Variants in ADAM22 observed in about 807,000 individuals in gnomAD.
ADAM22 encodes the protein ADAM metallopeptidase domain 22.
In ADAM22, 65 loss-of-function variants were observed where a neutral mutation model predicts 144.6. That is an observed-to-expected ratio of 0.45 (90% CI 0.37 to 0.55). The LOEUF (loss-of-function observed/expected upper bound fraction) is 0.55, where lower values mean the gene tolerates loss of function less well. Ranked by LOEUF, ADAM22 falls within the 20% of genes least tolerant of loss-of-function variation. ADAM22 has a pLI of 0.00. For missense variants in ADAM22, 974 were observed against 1,184.9 expected, an observed-to-expected ratio of 0.82 and a Z score of 2.61; for synonymous variants, 391 against 412.6, an observed-to-expected ratio of 0.95 and a Z score of 0.63.
chr7:87,980,787 C>CT (rs763790411), intron 3 of ADAM22, among the ~76,000 whole-genome samples: 82 of 152,206 alleles, frequency 5.4e-4, no homozygotes, highest in Non-Finnish European at 1.0e-3. Flanking sequence ...CAGCCAGTTT[C>CT]TTTTTTGTCA....
Position 87,946,895 on chromosome 7 carries a change from C to T in ADAM22, c.246+11709C>T, listed in dbSNP as rs76557771. On this transcript the variant is annotated intron_variant, in intron 2 of 31. Transcript: ENST00000413139. ...GCCTTAAAAATAATGATATTATATC[C>T]TTTGCAGCCACACAGATGTGGCGGG... Among the ~76,000 whole-genome samples, 471 of 152,244 alleles carry T rather than the reference C, an allele frequency of 3.1e-3. 3 individuals are homozygous for T. The highest frequency in any genetic ancestry group is 0.01 in the African/African-American group (435 of 41,546).
intron 3 of ADAM22, among the ~76,000 whole-genome samples, chr7:87,988,324 G>T (rs765848746): frequency 4.6e-5 from 7 of 152,126 alleles, no homozygotes; most frequent in African/African-American, 7.2e-5. Flanking sequence ...TACCTGGGAG[G>T]AACTATAGCT....
At chr7:87,943,723 T>C (rs537111488) in intron 2 of ADAM22, among the ~76,000 whole-genome samples, 2 of 152,304 alleles carry the variant, frequency 1.3e-5, no homozygotes, top group South Asian at 4.1e-4. Flanking sequence ...TATCAGCGGT[T>C]CTAACTGGAA....
intron 3 of ADAM22, among the ~76,000 whole-genome samples, chr7:88,061,017 T>A (rs1467221475): frequency 6.6e-6 from 1 of 151,582 alleles, no homozygotes; most frequent in East Asian, 1.9e-4. Flanking sequence ...GGCAGGAGAA[T>A]CACTTGAACC....
chr7:87,962,719 A>C (rs1848260610), intron 2 of ADAM22, among the ~76,000 whole-genome samples: 1 of 152,020 alleles, frequency 6.6e-6, no homozygotes, highest in Non-Finnish European at 1.5e-5. Flanking sequence ...CAGTAGCTAC[A>C]ACAACAAGCA....
chr7:88,193,079 A>C (rs1849959403), intron 30 of ADAM22, 37 bp from the exon 31 acceptor site: 1 of 1,612,296 alleles, frequency 6.2e-7, no homozygotes, highest in Non-Finnish European at 8.5e-7. Context: ...ATGTTAGGCA[A>C]TCACATGATA....
chr7:88,037,628 G>A (rs1462086692), intron 3 of ADAM22, among the ~76,000 whole-genome samples: 1 of 150,480 alleles, frequency 6.6e-6, no homozygotes, highest in Non-Finnish European at 1.5e-5. Flanking sequence ...TTTTGCCTAT[G>A]GATAAGAGCT....
intron 22 of ADAM22, among the ~76,000 whole-genome samples, chr7:88,159,040 C>T (rs1283607729): frequency 1.3e-5 from 2 of 151,654 alleles, no homozygotes; most frequent in African/African-American, 4.8e-5. Flanking sequence ...AGAGAAGATC[C>T]AAATTAATAC....
chr7:88,176,239 A>G lies in ADAM22; in HGVS notation c.2301-2696A>G, dbSNP rs552768432. 6.4e-4 allele frequency among the ~76,000 whole-genome samples: 98 copies of G among 152,210 alleles called. 1 individual carries two copies. The highest frequency in any genetic ancestry group is 2.2e-3 in the African/African-American group (90 of 41,538). ...CCGCCCACCTCAGCCTTCCAGAAAC[A>G]TTATTCTTAAGAGATCTTTAACGAA... On this transcript the variant is annotated intron_variant, in intron 26 of 31. Coordinates refer to ENST00000413139, the MANE Select transcript of ADAM22 (RefSeq NM_001324418.2).
intron 30 of ADAM22, among the ~76,000 whole-genome samples, chr7:88,188,150 C>T (rs1156521903): frequency 6.6e-6 from 1 of 151,982 alleles, no homozygotes; most frequent in Non-Finnish European, 1.5e-5. Context: ...TAATTTGTAC[C>T]AGCCATGGAA....
intron 13 of ADAM22, 36 bp from the exon 14 acceptor site, chr7:88,135,944 C>T: frequency 6.3e-7 from 1 of 1,585,376 alleles, no homozygotes; most frequent in Middle Eastern, 1.7e-4. Flanking sequence ...ACTGTGTTCA[C>T]TTTATAACAA....
At chr7:88,061,097 C>G (rs1809717662) in intron 3 of ADAM22, among the ~76,000 whole-genome samples, 1 of 151,580 alleles carries the variant, frequency 6.6e-6, no homozygotes, top group South Asian at 2.1e-4. Context: ...GAGCAAGACT[C>G]TGTCTCAAAA....
In ADAM22 at chr7:87,968,491, T is replaced by A. The variant is rs1047322974; in HGVS notation, c.247-9845T>A. Among the ~76,000 whole-genome samples the A allele has an allele frequency of 1.4e-4, 22 of 152,000 alleles. 1 individual carries two copies. Among genetic ancestry groups the A allele is most frequent in the African/African-American group, 2.4e-5 (1 of 41,370 alleles). On this transcript the variant is annotated intron_variant, in intron 2 of 31. Transcript: ENST00000413139. ...AGTTTGAGGCTGCAGTGACCTATGATCGCATCTCTGAATAGCCACTGCACT... is the reference window on the plus strand; with the variant it reads ...AGTTTGAGGCTGCAGTGACCTATGAACGCATCTCTGAATAGCCACTGCACT...
At chr7:88,153,792 A>G (rs1839139034) in intron 21 of ADAM22, among the ~76,000 whole-genome samples, 2 of 152,174 alleles carry the variant, frequency 1.3e-5, no homozygotes. Context: ...TTGCTTTGCC[A>G]CCATTTGTCT....
chr7:88,026,294 C>G (rs1422496611), intron 3 of ADAM22, among the ~76,000 whole-genome samples: 3 of 152,170 alleles, frequency 2.0e-5, no homozygotes. Context: ...AAAGTGGGAG[C>G]AGGCATTTGA....
chr7:87,967,001 A>C (rs2129446391), intron 2 of ADAM22, among the ~76,000 whole-genome samples: 1 of 151,978 alleles, frequency 6.6e-6, no homozygotes, highest in East Asian at 1.9e-4. Flanking sequence ...TATTCTCATG[A>C]TAGTGAGTGA....
chr7:88,072,479 A>C lies in ADAM22; in HGVS notation c.324-3147A>C, dbSNP rs115120731. On this transcript the variant is annotated intron_variant, in intron 3 of 31. Coordinates refer to ENST00000413139, the MANE Select transcript of ADAM22 (RefSeq NM_001324418.2). ...GACTTAGGTGATTTTGATTTCACTC[A>C]TGCTGGCTGCAGTAGTGGGGTTTGA... 7.4e-3 allele frequency among the ~76,000 whole-genome samples: 1,123 copies of C among 152,232 alleles called. 9 individuals carry two copies. The highest frequency in any genetic ancestry group is 0.025 in the African/African-American group (1,047 of 41,550).
Position 88,155,896 on chromosome 7 carries a change from T to G in ADAM22, c.1797T>G (p.Leu599=). 6.2e-7 allele frequency: 1 copy of G among 1,613,242 alleles called. No homozygotes were observed. The highest frequency in any genetic ancestry group is 1.7e-4 in the Middle Eastern group (1 of 6,052). ...TAATCTTTTGATACAGGGATGTGCT[T>G]TGTGGTTACCTTTTGTGTACCAATA... ...TWIQCNKRDV[L]CGYLLCTNIG... Residue 599 remains leucine (L), a synonymous_variant, in exon 22 of 32, where the codon CTT becomes CTG. Transcript: ENST00000413139.
At position 88,188,992 on chromosome 7, in the gene ADAM22, G is replaced by A. The variant is rs148708905; in HGVS notation, c.2750+2291G>A. ...TACACCCCTGTGGTGTTGGCTTTGC[G>A]GCATCCTTATCAAAATGCAATCTGC... On this transcript the variant is annotated intron_variant, in intron 30 of 31. Transcript: ENST00000413139. Among the ~76,000 whole-genome samples the A allele has an allele frequency of 2.8e-3, 432 of 152,246 alleles. 1 individual carries two copies. The highest frequency in any genetic ancestry group is 0.01 in the African/African-American group (418 of 41,560).
Sources: allele counts gnomAD v4.1 joint callset (sites outside exome capture counted in the v4.1 genomes callset), GRCh38; gene constraint gnomAD v4.1.1; transcripts MANE v1.5; gene names NCBI Gene and HGNC (gene_info 2026-07-23, HGNC 2026-07-21).